Variants in NREP observed in about 807,000 individuals in gnomAD.
NREP encodes neuronal regeneration related protein, also known as neuronal regeneration-related protein.
NREP carries 5 observed loss-of-function variants against 8.6 expected under a neutral mutation model. That is an observed-to-expected ratio of 0.58 (90% CI 0.30 to 1.22). The LOEUF is 1.22. Ranked by LOEUF, NREP falls within the 50% of genes most tolerant of loss-of-function variation. The pLI is 0.07. For synonymous variants in NREP, 27 were observed against 28.0 expected (o/e 0.96, Z 0.11); for missense variants, 86 against 82.5 (o/e 1.04, Z -0.17).
chr5:111,787,027 A>G (rs1751628192), intron 2 of NREP, among the ~76,000 whole-genome samples: 2 of 152,204 alleles, frequency 1.3e-5, no homozygotes, highest in South Asian at 4.1e-4. Flanking sequence ...ATGGTCTTTG[A>G]GAAAAAGGTT....
intron 2 of NREP, among the ~76,000 whole-genome samples, chr5:111,934,811 G>A (rs1385023193): frequency 2.0e-5 from 3 of 152,062 alleles, no homozygotes; most frequent in Admixed American, 1.3e-4. Flanking sequence ...CTGGAAATAT[G>A]GAGAACCTCC....
At chr5:111,955,897 A>T (rs1756301158) in intron 2 of NREP, among the ~76,000 whole-genome samples, 1 of 128,978 alleles carries the variant, frequency 7.8e-6, no homozygotes, top group East Asian at 2.7e-4. Flanking sequence ...TCATTCCTGT[A>T]GTGAAAAAAA....
At chr5:111,871,308 T>C (rs1441658664) in intron 2 of NREP, among the ~76,000 whole-genome samples, 1 of 152,146 alleles carries the variant, frequency 6.6e-6, no homozygotes, top group East Asian at 1.9e-4. Flanking sequence ...AGTATTTGTA[T>C]GTCTAAACAT....
At chr5:111,791,209 C>T (rs1017954632) in intron 2 of NREP, among the ~76,000 whole-genome samples, 1 of 152,038 alleles carries the variant, frequency 6.6e-6, no homozygotes, top group African/African-American at 2.4e-5. Context: ...ACATTCTTAC[C>T]ACTTTTTTGT....
intron 2 of NREP, among the ~76,000 whole-genome samples, chr5:111,906,937 T>A (rs571176473): frequency 6.6e-6 from 1 of 152,194 alleles, no homozygotes; most frequent in East Asian, 1.9e-4. Flanking sequence ...AAAAATATAT[T>A]TTTTAATTTC....
chr5:111,920,657 G>A (rs1225258349), intron 2 of NREP, among the ~76,000 whole-genome samples: 1 of 151,964 alleles, frequency 6.6e-6, no homozygotes, highest in Non-Finnish European at 1.5e-5. Context: ...GGTGTGGAGG[G>A]GTGCTTCATT....
chr5:111,961,829 G>C (rs1581254023), intron 2 of NREP, among the ~76,000 whole-genome samples: 1 of 152,192 alleles, frequency 6.6e-6, no homozygotes, highest in Non-Finnish European at 1.5e-5. Context: ...ATTTTGAGTG[G>C]TGAGGACTTA....
chr5:111,837,622 C>G (rs1752926508), intron 2 of NREP, among the ~76,000 whole-genome samples: 1 of 151,970 alleles, frequency 6.6e-6, no homozygotes. Flanking sequence ...CTGAGTTAAA[C>G]AGGAAAGCCT....
intron 2 of NREP, among the ~76,000 whole-genome samples, chr5:111,825,063 C>A (rs1401426319): frequency 2.0e-5 from 3 of 152,066 alleles, no homozygotes; most frequent in Non-Finnish European, 4.4e-5. Context: ...TGTATTACAG[C>A]TAAAAAGTGT....
At chr5:111,833,457 A>T (rs1447640680) in intron 2 of NREP, among the ~76,000 whole-genome samples, 1 of 152,234 alleles carries the variant, frequency 6.6e-6, no homozygotes, top group Non-Finnish European at 1.5e-5. Context: ...TTGCAGACCG[A>T]GGTAAAATCT....
chr5:111,886,739 G>A (rs1458189281), intron 2 of NREP, among the ~76,000 whole-genome samples: 6 of 150,060 alleles, frequency 4.0e-5, no homozygotes, highest in Non-Finnish European at 5.9e-5. Context: ...ACCAAACACC[G>A]CATATTCTCA....
intron 2 of NREP, among the ~76,000 whole-genome samples, chr5:111,842,982 G>C (rs1373959856): frequency 6.6e-6 from 1 of 152,064 alleles, no homozygotes; most frequent in African/African-American, 2.4e-5. Flanking sequence ...AAAATTCTCT[G>C]TCTTTGGCAA....
chr5:111,889,236 G>A (rs996954182), intron 2 of NREP, among the ~76,000 whole-genome samples: 1 of 152,166 alleles, frequency 6.6e-6, no homozygotes, highest in African/African-American at 2.4e-5. Flanking sequence ...AGGCAAAAGA[G>A]GAAACAGGTG....
chr5:111,807,841 CAA>C (rs1452136811), intron 2 of NREP, among the ~76,000 whole-genome samples: 1 of 152,104 alleles, frequency 6.6e-6, no homozygotes, highest in East Asian at 1.9e-4. Flanking sequence ...GAAAATGTCT[CAA>C]GTTTCATGAA....
At chr5:111,839,002 T>TA in intron 2 of NREP, among the ~76,000 whole-genome samples, 1 of 152,120 alleles carries the variant, frequency 6.6e-6, no homozygotes. Context: ...TCCGTATTTT[T>TA]AAAAAATACC....
chr5:111,771,763 C>CAA (rs367581931), intron 2 of NREP, among the ~76,000 whole-genome samples: 22 of 63,080 alleles, frequency 3.5e-4, no homozygotes, highest in Admixed American at 1.4e-3. Flanking sequence ...AACTCCATCT[C>CAA]AAAAAAAAAA....
At chr5:111,836,140 T>G (rs935258099) in intron 2 of NREP, among the ~76,000 whole-genome samples, 1 of 152,124 alleles carries the variant, frequency 6.6e-6, no homozygotes, top group African/African-American at 2.4e-5. Context: ...ACACTGATTC[T>G]CCTTTCAAAG....
chr5:111,908,176 TAATA>T (rs1754822708), intron 2 of NREP, among the ~76,000 whole-genome samples: 2 of 93,908 alleles, frequency 2.1e-5, no homozygotes, highest in South Asian at 5.1e-4. Context: ...TCTATTTATT[TAATA>T]GTTTCTTTAT....
upstream of NREP, among the ~76,000 whole-genome samples, chr5:111,761,800 C>A (rs1750965352): frequency 6.6e-6 from 1 of 152,138 alleles, no homozygotes; most frequent in Non-Finnish European, 1.5e-5. Flanking sequence ...TGAATTGGAT[C>A]TGATAATGGG....
Sources: allele counts gnomAD v4.1 joint callset (sites outside exome capture counted in the v4.1 genomes callset), GRCh38; gene constraint gnomAD v4.1.1; transcripts MANE v1.5; gene names NCBI Gene and HGNC (gene_info 2026-07-23, HGNC 2026-07-21).